SCAPER: variants seen among roughly 807,000 people sequenced by gnomAD.
SCAPER encodes the protein S phase cyclin A-associated protein in the endoplasmic reticulum.
Under a neutral mutation model 182.2 loss-of-function variants are expected in SCAPER, and 98 were observed. The ratio of observed to expected loss-of-function variants is 0.54; its 90% CI spans 0.46 to 0.64. The LOEUF (loss-of-function observed/expected upper bound fraction) is 0.64, where lower values mean the gene tolerates loss of function less well. Ranked by LOEUF, SCAPER falls within the 30% of genes least tolerant of loss-of-function variation. The pLI, the probability that SCAPER is intolerant of heterozygous loss-of-function variation, is 0.00. For missense variants in SCAPER, 1,432 were observed against 1,690.0 expected (o/e 0.85, Z 2.68); for synonymous variants, 605 against 564.6 (o/e 1.07, Z -1.01).
At chr15:76,428,672 T>G (rs144131367) in intron 26 of SCAPER, among the ~76,000 whole-genome samples, 102 of 151,812 alleles carry the variant, frequency 6.7e-4, no homozygotes, top group African/African-American at 2.3e-3. Context: ...GAGAGGTTGG[T>G]CAATGGGTAC....
chr15:76,548,524 A>G (rs1286788903), intron 23 of SCAPER, among the ~76,000 whole-genome samples: 3 of 152,222 alleles, frequency 2.0e-5, no homozygotes, highest in Non-Finnish European at 4.4e-5. Flanking sequence ...TAAAAGCAAG[A>G]TATTTCGTGG....
chr15:76,706,289 CAATT>C (rs1472007147), intron 17 of SCAPER, among the ~76,000 whole-genome samples: 2 of 151,880 alleles, frequency 1.3e-5, no homozygotes, highest in African/African-American at 2.4e-5. Context: ...TCCAAAAACT[CAATT>C]AAACCATTAA....
intron 5 of SCAPER, among the ~76,000 whole-genome samples, chr15:76,815,817 G>A (rs879542747): frequency 3.3e-5 from 5 of 152,120 alleles, no homozygotes; most frequent in South Asian, 2.1e-4. Flanking sequence ...CTGCCACACC[G>A]ACCCCAGTCC....
At chr15:76,369,090 T>C (rs1046451482) in intron 29 of SCAPER, among the ~76,000 whole-genome samples, 1 of 152,212 alleles carries the variant, frequency 6.6e-6, no homozygotes, top group Admixed American at 6.5e-5. Flanking sequence ...GTTTCTCTTC[T>C]CAAGTCATCC....
chr15:76,419,923 A>G (rs777418591), intron 26 of SCAPER, among the ~76,000 whole-genome samples: 6 of 152,240 alleles, frequency 3.9e-5, no homozygotes, highest in Admixed American at 6.5e-5. Flanking sequence ...ATAACACATT[A>G]AAAAGATCAT....
intron 20 of SCAPER, among the ~76,000 whole-genome samples, chr15:76,669,289 T>C (rs1315401257): frequency 6.6e-6 from 1 of 152,210 alleles, no homozygotes; most frequent in Non-Finnish European, 1.5e-5. Context: ...GAATATTTTC[T>C]TTGATAAACT....
intron 20 of SCAPER, among the ~76,000 whole-genome samples, chr15:76,684,041 C>T (rs2057889510): frequency 6.6e-6 from 1 of 152,038 alleles, no homozygotes. Context: ...TACCACAGAC[C>T]TGCCTTATAA....
chr15:76,477,549 G>A (rs999148606), intron 24 of SCAPER, among the ~76,000 whole-genome samples: 2 of 152,050 alleles, frequency 1.3e-5, no homozygotes, highest in African/African-American at 4.8e-5. Context: ...AACATTTTAT[G>A]AAGCCTTTTG....
chr15:76,414,216 T>A (rs2045495167), intron 26 of SCAPER, among the ~76,000 whole-genome samples: 2 of 152,154 alleles, frequency 1.3e-5, no homozygotes, highest in South Asian at 4.1e-4. Flanking sequence ...TGAGAGAGTT[T>A]GTGTATGATT....
intron 2 of SCAPER, 89 bp downstream of exon 2, chr15:76,883,723 T>A (rs2073699339): frequency 9.1e-7 from 1 of 1,096,170 alleles, no homozygotes; most frequent in Admixed American, 3.0e-5. Context: ...GTATCTTGAA[T>A]GAAACAACTA....
At chr15:76,572,909 T>TCACACACACA (rs1441837995) in intron 23 of SCAPER, among the ~76,000 whole-genome samples, 7 of 52,174 alleles carry the variant, frequency 1.3e-4, no homozygotes, top group Admixed American at 5.6e-4. Context: ...TCTCTCTCTC[T>TCACACACACA]CTCTCTCTCT....
At position 76,511,841 on chromosome 15, in the gene SCAPER, A is replaced by ATGTGTGTGTGTGTGTGTGTGTG. The variant is rs755966745; in HGVS notation, c.2839-6868_2839-6867insCACACACACACACACACACACA. ...AAAGATACACTTATTATATATATAT[A>ATGTGTGTGTGTGTGTGTGTGTG]TATGTGTGTGTGTGTGTGTGTGTGT... On this transcript the variant is annotated intron_variant, in intron 23 of 31. Coordinates refer to ENST00000563290, the MANE Select transcript of SCAPER (RefSeq NM_020843.4). Among the ~76,000 whole-genome samples the ATGTGTGTGTGTGTGTGTGTGTG allele has an allele frequency of 5.7e-5, 6 of 104,820 alleles. 1 individual carries two copies. The highest frequency in any genetic ancestry group is 8.0e-4 in the South Asian group (2 of 2,498). The allele number at this position is 104,820 out of a possible 152,430, so 68.8% of individuals were successfully genotyped here.
At chr15:76,473,730 A>T (rs1464963652) in intron 24 of SCAPER, among the ~76,000 whole-genome samples, 1 of 152,190 alleles carries the variant, frequency 6.6e-6, no homozygotes, top group Non-Finnish European at 1.5e-5. Flanking sequence ...CAAGTTAGAG[A>T]ACCACTGCTC....
At chr15:76,704,473 T>C (rs1351431273) in intron 18 of SCAPER, among the ~76,000 whole-genome samples, 1 of 152,234 alleles carries the variant, frequency 6.6e-6, no homozygotes, top group Non-Finnish European at 1.5e-5. Context: ...GTTTAAGTCT[T>C]TAATCCATCT....
intron 30 of SCAPER, among the ~76,000 whole-genome samples, chr15:76,353,290 T>G (rs2040720033): frequency 6.6e-6 from 1 of 152,212 alleles, no homozygotes; most frequent in Non-Finnish European, 1.5e-5. Context: ...ATGGGAGATT[T>G]TCAGCAAATA....
At chr15:76,356,273 C>G (rs1434943984) in intron 29 of SCAPER, among the ~76,000 whole-genome samples, 1 of 152,146 alleles carries the variant, frequency 6.6e-6, no homozygotes, top group African/African-American at 2.4e-5. Context: ...CTGAATTGGA[C>G]TAAGCACTAC....
chr15:76,676,819 T>A (rs2057396293), intron 20 of SCAPER, among the ~76,000 whole-genome samples: 1 of 151,344 alleles, frequency 6.6e-6, no homozygotes, highest in South Asian at 2.1e-4. Context: ...AATAATTAGA[T>A]CAAAATGTTA....
chr15:76,897,703 G>A lies in SCAPER; in HGVS notation c.-60+7596C>T, dbSNP rs369653339. Among the ~76,000 whole-genome samples the A allele has an allele frequency of 9.2e-5, 14 of 151,454 alleles. No homozygotes were observed. The East Asian group carries it at 1.4e-3, about 15-fold the overall frequency. ...GCCTGGGTGACAGAGACTCTATCTCGAAAAAAAAGAAAAAGACTGAATTAT... is the reference window on the plus strand; with the variant it reads ...GCCTGGGTGACAGAGACTCTATCTCAAAAAAAAAGAAAAAGACTGAATTAT... On this transcript the variant is annotated intron_variant, in intron 1 of 31. Transcript: ENST00000563290.
intron 15 of SCAPER, among the ~76,000 whole-genome samples, chr15:76,735,750 A>G (rs2061227752): frequency 6.6e-6 from 1 of 152,196 alleles, no homozygotes; most frequent in African/African-American, 2.4e-5. Flanking sequence ...ATAACCTAAC[A>G]AACAGCAGAA....
Sources: allele counts gnomAD v4.1 joint callset (sites outside exome capture counted in the v4.1 genomes callset), GRCh38; gene constraint gnomAD v4.1.1; transcripts MANE v1.5; gene names NCBI Gene and HGNC (gene_info 2026-07-23, HGNC 2026-07-21).